The following HIVEP3 variants were observed in gnomAD, a reference collection of about 807,000 sequenced individuals.
The protein encoded by HIVEP3 is transcription factor HIVEP3.
Under a neutral mutation model 152.8 loss-of-function variants are expected in HIVEP3, and 49 were observed. The observed-to-expected ratio is 0.32, with a 90% CI of 0.26 to 0.41. The LOEUF is 0.41. Among genes scored for constraint, HIVEP3 ranks in the 10% least tolerant of loss-of-function variants. HIVEP3 has a pLI of 1.00. For missense variants in HIVEP3, 2,790 were observed against 3,103.3 expected (o/e 0.90, Z 2.40); for synonymous variants, 1,269 against 1,289.0 (o/e 0.98, Z 0.33).
At chr1:41,596,238 C>G (rs1644663980) in intron 3 of HIVEP3, among the ~76,000 whole-genome samples, 1 of 152,172 alleles carries the variant, frequency 6.6e-6, no homozygotes, top group African/African-American at 2.4e-5. Flanking sequence ...CCTCTGAAAG[C>G]AGGTGGAAGG....
intron 2 of HIVEP3, among the ~76,000 whole-genome samples, chr1:41,652,598 G>A (rs964963386): frequency 3.9e-5 from 6 of 152,312 alleles, no homozygotes; most frequent in Admixed American, 3.3e-4. Context: ...GTGGAGGGGT[G>A]AAAAGCTGGG....
chr1:41,761,607 A>G lies in HIVEP3; in HGVS notation c.-800-60612T>C, dbSNP rs144558065. On this transcript the variant is annotated intron_variant, in intron 1 of 8. Transcript: ENST00000372583. ...GCATGTATGTGTGCATGTGTGTGTT[A>G]TGCTTATGTAAGTGCATGGATGTGG... Among the ~76,000 whole-genome samples the G allele has an allele frequency of 1.9e-3, 295 of 152,288 alleles. 2 individuals carry two copies. The highest frequency in any genetic ancestry group is 6.6e-3 in the African/African-American group (273 of 41,548).
chr1:41,550,221 C>T (rs963173215), intron 5 of HIVEP3, among the ~76,000 whole-genome samples: 1 of 152,128 alleles, frequency 6.6e-6, no homozygotes, highest in Non-Finnish European at 1.5e-5. Context: ...TTCTGTTCTG[C>T]TCCATTGGTC....
At chr1:41,575,454 G>A in intron 5 of HIVEP3, 90 bp downstream of exon 5, 1 of 1,424,434 alleles carries the variant, frequency 7.0e-7, no homozygotes. Context: ...CAGAGCCCTT[G>A]CCAACTGAGC....
chr1:41,661,266 A>G (rs953324922), intron 2 of HIVEP3, among the ~76,000 whole-genome samples: 2 of 152,170 alleles, frequency 1.3e-5, no homozygotes, highest in African/African-American at 4.8e-5. Context: ...AATACATTAT[A>G]TTTTTATAGA....
chr1:41,895,293 C>T (rs190501663), intron 1 of HIVEP3, among the ~76,000 whole-genome samples: 2 of 152,314 alleles, frequency 1.3e-5, no homozygotes, highest in East Asian at 1.9e-4. Flanking sequence ...CATCTGCCCA[C>T]TTTGGTCTCC....
rs772015729 is a variant in HIVEP3 at position 41,513,471 on chromosome 1, G to C, written c.5750C>G (p.Ser1917Trp). 4.3e-6 allele frequency: 7 copies of C among 1,610,986 alleles called. No homozygotes were observed. Among genetic ancestry groups the C allele is most frequent in the South Asian group, 1.1e-5 (1 of 90,976 alleles). ...ASGTEATRGS[S>W]VSEAERLTAS... ...TGTCAGGCGCTCAGCTTCCGAGACCGAGCTGCCTCGTGTAGCCTCCGTGCC... is the reference window on the plus strand; with the variant it reads ...TGTCAGGCGCTCAGCTTCCGAGACCCAGCTGCCTCGTGTAGCCTCCGTGCC... Residue 1917 changes from serine to tryptophan, a missense_variant, in exon 8 of 9, where the codon TCG becomes TGG. By Grantham distance (177) the Ser-to-Trp change is radical (BLOSUM62 -3). This residue lies in a region of HIVEP3 where 816 missense variants were observed against 806.5 expected (regional missense o/e 1.01). Coordinates refer to ENST00000372583, the MANE Select transcript of HIVEP3 (RefSeq NM_024503.5).
chr1:41,777,723 G>A (rs1248207424), intron 1 of HIVEP3, among the ~76,000 whole-genome samples: 1 of 152,258 alleles, frequency 6.6e-6, no homozygotes, highest in African/African-American at 2.4e-5. Flanking sequence ...AACAGTAGCT[G>A]CCAATTCTAA....
chr1:41,843,577 T>C (rs1643350507), intron 1 of HIVEP3, among the ~76,000 whole-genome samples: 1 of 149,106 alleles, frequency 6.7e-6, no homozygotes, highest in South Asian at 2.1e-4. Context: ...TAAAGACGGG[T>C]AGTTTAAGAA....
chr1:41,708,847 C>T (rs1229675354), intron 1 of HIVEP3, among the ~76,000 whole-genome samples: 1 of 152,212 alleles, frequency 6.6e-6, no homozygotes, highest in East Asian at 1.9e-4. Context: ...GCCATGTCAT[C>T]CCCCATGTCT....
chr1:41,975,583 A>G (rs1645254939), intron 1 of HIVEP3, among the ~76,000 whole-genome samples: 1 of 152,240 alleles, frequency 6.6e-6, no homozygotes, highest in South Asian at 2.1e-4. Flanking sequence ...GGAAGTACAA[A>G]AAACTTGATT....
intron 2 of HIVEP3, among the ~76,000 whole-genome samples, chr1:41,673,771 A>G (rs1191485847): frequency 6.6e-6 from 1 of 152,208 alleles, no homozygotes; most frequent in African/African-American, 2.4e-5. Flanking sequence ...CTAGGGAAGA[A>G]GGGATAAAAT....
chr1:41,910,788 T>G (rs184715099), intron 1 of HIVEP3, among the ~76,000 whole-genome samples: 4 of 152,004 alleles, frequency 2.6e-5, no homozygotes, highest in African/African-American at 9.7e-5. Flanking sequence ...TAAACATCCA[T>G]GTATATAATT....
chr1:41,566,311 C>T (rs1233162751), intron 5 of HIVEP3, among the ~76,000 whole-genome samples: 1 of 152,132 alleles, frequency 6.6e-6, no homozygotes, highest in Non-Finnish European at 1.5e-5. Context: ...CCACTGCCCA[C>T]CCCCAAACCA....
intron 2 of HIVEP3, among the ~76,000 whole-genome samples, chr1:41,651,201 G>T (rs1050961780): frequency 6.6e-6 from 1 of 152,064 alleles, no homozygotes; most frequent in Non-Finnish European, 1.5e-5. Flanking sequence ...CTTGAGTTTA[G>T]GAGTTCGAGA....
At chr1:41,878,947 C>CTCCACTTGTCTCT (rs1644218330) in intron 1 of HIVEP3, among the ~76,000 whole-genome samples, 1 of 143,408 alleles carries the variant, frequency 7.0e-6, no homozygotes, top group Non-Finnish European at 1.5e-5. Flanking sequence ...ATACCGCATA[C>CTCCACTTGTCTCT]TCCACTTGTC....
intron 3 of HIVEP3, among the ~76,000 whole-genome samples, chr1:41,619,585 G>GACCT (rs1165598371): frequency 6.6e-6 from 1 of 152,150 alleles, no homozygotes; most frequent in Non-Finnish European, 1.5e-5. Flanking sequence ...AGGTAAGGAT[G>GACCT]ACCTACCTCT....
chr1:41,565,218 G>C (rs1053375174), intron 5 of HIVEP3, among the ~76,000 whole-genome samples: 5 of 152,306 alleles, frequency 3.3e-5, no homozygotes, highest in African/African-American at 1.2e-4. Context: ...ACTAATGAGA[G>C]GATAGGGAGG....
At chr1:41,625,772 A>T (rs927273784) in intron 3 of HIVEP3, among the ~76,000 whole-genome samples, 30 of 152,234 alleles carry the variant, frequency 2.0e-4, no homozygotes, top group African/African-American at 7.2e-4. Context: ...CATCTGACTT[A>T]AATTAGACTA....
Sources: gnomAD v4.1 joint callset for allele counts (sites outside exome capture counted in the v4.1 genomes callset) on GRCh38, gnomAD v4.1.1 for gene constraint, gnomAD v4.1.1 regional missense constraint, MANE v1.5 for transcripts, NCBI Gene and HGNC (gene_info 2026-07-23, HGNC 2026-07-21) for gene names.